Variants in ANHX observed in about 807,000 individuals in gnomAD.
The protein encoded by ANHX is anomalous homeobox.
ANHX carries 20 observed loss-of-function variants against 38.9 expected under a neutral mutation model. The ratio of observed to expected loss-of-function variants is 0.51; its 90% CI spans 0.36 to 0.75. ANHX has a LOEUF of 0.75. Ranked by LOEUF, ANHX falls within the 30% of genes least tolerant of loss-of-function variation. The pLI is 0.00. For synonymous variants in ANHX, 185 were observed against 203.1 expected (o/e 0.91, Z 0.76); for missense variants, 475 against 493.1 (o/e 0.96, Z 0.35).
chr12:133,221,428 A>C lies in ANHX; in HGVS notation c.1133-76T>G. 5.5e-6 allele frequency: 8 copies of C among 1,457,220 alleles called. No homozygotes were observed. Among genetic ancestry groups the C allele is most frequent in the Non-Finnish European group, 7.3e-6 (8 of 1,101,974 alleles). The allele number at this position is 1,457,220 out of a possible 1,614,324, so 90.3% of individuals were successfully genotyped here. ...CCACGTGTGACACAACCAAGACCTC[A>C]AAGCACGGAGGCGGATGCAGCCTCC... On this transcript the variant is annotated intron_variant, in intron 7 of 9. Transcript: ENST00000545940. This position sits in a 1 kb window ranked among gnomAD's most constrained non-coding sequence, Gnocchi z 4.1.
At chr12:133,228,252 T>G (rs141464270) in intron 3 of ANHX, among the ~76,000 whole-genome samples, 5 of 151,790 alleles carry the variant, frequency 3.3e-5, no homozygotes, top group Admixed American at 2.6e-4. Context: ...CATCCTCACA[T>G]GTAGACATCC....
intron 8 of ANHX, among the ~76,000 whole-genome samples, chr12:133,220,959 G>A (rs1230089941): frequency 6.6e-6 from 1 of 152,194 alleles, no homozygotes; most frequent in African/African-American, 2.4e-5. Context: ...TGGGGGTAAG[G>A]GTGAACCCTG....
rs1184006294 is a variant in ANHX, at chr12:133,226,297, T to C, written c.839+21A>G. On this transcript the variant is annotated intron_variant, in intron 6 of 9. Coordinates refer to ENST00000545940, the MANE Select transcript of ANHX (RefSeq NM_001372060.1). The stretch of plus-strand genomic sequence containing the variant: ...GAACTGAATAGGTGAGATGATTCCA[T>C]GGCCATGGAGATGACAGTACCTGAC... 2.6e-6 allele frequency: 4 copies of C among 1,536,130 alleles called. No individual in the cohort carries two copies. The African/African-American group carries it at 5.5e-5, about 21-fold the overall frequency.
intron 8 of ANHX, among the ~76,000 whole-genome samples, chr12:133,220,643 C>T (rs576306081): frequency 2.6e-5 from 4 of 152,276 alleles, no homozygotes; most frequent in African/African-American, 4.8e-5. Flanking sequence ...GAGGATGGGG[C>T]GTCTGCTAGA....
At position 133,231,393 on chromosome 12, in the gene ANHX, G is replaced by T. The variant is rs369957881; in HGVS notation, c.377+124C>A. ...ACTACACTGTGACTATTACTGCTCC[G>T]GCGGACATTTCCTGTCCCTATCTCC... On this transcript the variant is annotated intron_variant, in intron 3 of 9. Transcript: ENST00000545940. 908 of 1,315,492 alleles carry T rather than the reference G, an allele frequency of 6.9e-4. 7 individuals carry two copies. In the African/African-American group the frequency reaches 0.012, roughly 17 times the overall value. The allele number at this position is 1,315,492 out of a possible 1,614,324, so 81.5% of individuals were successfully genotyped here.
intron 4 of ANHX, 96 bp from the exon 5 acceptor site, chr12:133,227,248 G>A (rs1321569471): frequency 1.5e-6 from 2 of 1,335,202 alleles, no homozygotes; most frequent in African/African-American, 1.5e-5. Context: ...CACCAAGAAA[G>A]GGGGTGACAG....
At chr12:133,224,054 C>A (rs1205901497) in intron 7 of ANHX, among the ~76,000 whole-genome samples, 1 of 152,012 alleles carries the variant, frequency 6.6e-6, no homozygotes, top group Non-Finnish European at 1.5e-5. Context: ...TGCTGGCTAA[C>A]AAAACAAGGG....
chr12:133,234,602 C>T (rs951453707), intron 1 of ANHX: 43 of 505,322 alleles, frequency 8.5e-5, no homozygotes, highest in Non-Finnish European at 1.3e-4. Context: ...TTAACGAACA[C>T]GGCTGTGCAC....
chr12:133,230,990 T>C (rs1338744733), intron 3 of ANHX, among the ~76,000 whole-genome samples: 2 of 152,196 alleles, frequency 1.3e-5, no homozygotes, highest in East Asian at 1.9e-4. Context: ...CCTGGCACTA[T>C]TCTGAGCGCC....
At position 133,221,090 on chromosome 12, in the gene ANHX, C is replaced by T; in HGVS notation, c.1280+115G>A. On this transcript the variant is annotated intron_variant, in intron 8 of 9. Coordinates refer to ENST00000545940, the MANE Select transcript of ANHX (RefSeq NM_001372060.1). The surrounding 1 kb of genome is among the most constrained non-coding windows in gnomAD (Gnocchi z 4.1). ...GGGACTGTTACAGTTTTCAGCAATCCAAAGGAGAGGACCCTATCTGCACAG... is the reference window on the plus strand; with the variant it reads ...GGGACTGTTACAGTTTTCAGCAATCTAAAGGAGAGGACCCTATCTGCACAG... 2 of 1,340,296 alleles carry T rather than the reference C, an allele frequency of 1.5e-6. No individual in the cohort carries two copies. The highest frequency in any genetic ancestry group is 2.0e-6 in the Non-Finnish European group (2 of 1,013,370). The allele number at this position is 1,340,296 out of a possible 1,614,324, so 83.0% of individuals were successfully genotyped here.
rs569681198 is a variant in ANHX, at chr12:133,231,540, C to T, written c.354G>A (p.Val118=). The change falls in exon 3 of 10, where the codon GTG becomes GTA. Residue 118 remains valine (V), a synonymous_variant. Transcript: ENST00000545940. ...ACCTCTTCCTGCAGCGGAACTTCTGCACCGGGGTGAGCGCAGCCACGCCCA... is the reference window on the plus strand; with the variant it reads ...ACCTCTTCCTGCAGCGGAACTTCTGTACCGGGGTGAGCGCAGCCACGCCCA... ...RRLGVAALTP[V]QKFRCRKRNP... is the part of the protein sequence containing the mutation. The T allele has an allele frequency of 3.0e-5, 46 of 1,536,144 alleles. No individual in the cohort carries two copies. Among genetic ancestry groups the T allele is most frequent in the Admixed American group, 1.2e-4 (6 of 51,002 alleles).
At chr12:133,226,724 T>C (rs1416099337) in intron 5 of ANHX, among the ~76,000 whole-genome samples, 2 of 152,146 alleles carry the variant, frequency 1.3e-5, no homozygotes, top group Non-Finnish European at 2.9e-5. Flanking sequence ...GGCCACACAG[T>C]GACCTCAAAA....
chr12:133,219,906 TC>T (rs1197338599), intron 8 of ANHX, among the ~76,000 whole-genome samples: 2 of 151,878 alleles, frequency 1.3e-5, no homozygotes, highest in African/African-American at 4.9e-5. Flanking sequence ...GGCACGTGGC[TC>T]CCCAGAGAGA....
In ANHX at chr12:133,221,189, G is replaced by A. The variant is rs1173517515; in HGVS notation, c.1280+16C>T. The A allele has an allele frequency of 6.5e-7, 1 of 1,535,866 alleles. No homozygotes were observed. Among genetic ancestry groups the A allele is most frequent in the East Asian group, 2.4e-5 (1 of 40,908 alleles). ...GTGGAAAGGACTGTCCAGGCCTGTG[G>A]CTCTTCAGGGCTTACCTCTGGGTGA... On this transcript the variant is annotated intron_variant, in intron 8 of 9. Coordinates refer to ENST00000545940, the MANE Select transcript of ANHX (RefSeq NM_001372060.1). This position sits in a 1 kb window ranked among gnomAD's most constrained non-coding sequence, Gnocchi z 4.1.
In ANHX at chr12:133,234,202, C is replaced by A. The variant is rs748018873; in HGVS notation, c.155G>T (p.Arg52Leu). 1.3e-6 allele frequency: 2 copies of A among 1,536,036 alleles called. No homozygotes were observed. The highest frequency in any genetic ancestry group is 8.7e-7 in the Non-Finnish European group (1 of 1,146,918). Reference protein sequence around the residue: ...LVTAILDSQLRLHLLDNADVA... With the variant: ...LVTAILDSQLLLHLLDNADVA... ...ATCTGCGTTGTCCAGGAGATGCAGG[C>A]GGAGCTGGCTGTCCAGAATGGCTGT... is the stretch of plus-strand genomic sequence containing the variant. The change falls in exon 2 of 10, where the codon CGC becomes CTC. Residue 52 changes from arginine (R) to leucine (L), a missense_variant. Transcript: ENST00000545940.
intron 7 of ANHX, among the ~76,000 whole-genome samples, chr12:133,224,860 G>A (rs1291218612): frequency 6.6e-6 from 1 of 150,946 alleles, no homozygotes; most frequent in African/African-American, 2.4e-5. Context: ...CCAGCTACTC[G>A]GGAGGCTGAG....
chr12:133,227,614 A>ATGTTATG (rs1351874120), intron 4 of ANHX, among the ~76,000 whole-genome samples: 2 of 152,200 alleles, frequency 1.3e-5, no homozygotes, highest in Non-Finnish European at 2.9e-5. Flanking sequence ...ACATACACAG[A>ATGTTATG]TGTTATGACT....
Position 133,231,631 on chromosome 12 carries a change from G to A in ANHX, c.263C>T (p.Pro88Leu), listed in dbSNP as rs1371589822. 29 of 1,535,828 alleles carry A rather than the reference G, an allele frequency of 1.9e-5. No individual in the cohort carries two copies. The African/African-American group carries it at 2.3e-4, about 12-fold the overall frequency. Reference protein sequence around the residue: ...ACRLLEGCQVPGGSQELVQLW... With the variant: ...ACRLLEGCQVLGGSQELVQLW... ...CTGCACTAACTCCTGGCTGCCTCCC[G>A]GCACCTGGCACCCCTGCCAAGAAGA... The change falls in exon 3 of 10, where the codon CCG becomes CTG. Residue 88 changes from proline (P) to leucine (L), a missense_variant. By Grantham distance (98) the Pro-to-Leu change is moderately conservative (BLOSUM62 -3). Transcript: ENST00000545940.
chr12:133,226,901 G>A (rs1246338908), intron 5 of ANHX, 35 bp downstream of exon 5: 14 of 1,468,002 alleles, frequency 9.5e-6, no homozygotes, highest in African/African-American at 1.4e-5. Context: ...CCAGCTCCCC[G>A]ACCACAAGGA....
Sources: allele counts gnomAD v4.1 joint callset (sites outside exome capture counted in the v4.1 genomes callset), GRCh38; gene constraint gnomAD v4.1.1; non-coding constraint Gnocchi (gnomAD v3.1); transcripts MANE v1.5; gene names NCBI Gene and HGNC (gene_info 2026-07-23, HGNC 2026-07-21).